Variants in PTPRG observed in about 807,000 individuals in gnomAD.
The protein encoded by PTPRG is protein tyrosine phosphatase receptor type G, also known as receptor-type tyrosine-protein phosphatase gamma.
PTPRG carries 102 observed loss-of-function variants against 165.3 expected under a neutral mutation model. The ratio of observed to expected loss-of-function variants is 0.62; its 90% CI spans 0.53 to 0.73. The LOEUF (loss-of-function observed/expected upper bound fraction) is 0.73, where lower values mean the gene tolerates loss of function less well. Ranked by LOEUF, PTPRG falls within the 30% of genes least tolerant of loss-of-function variation. The probability of loss-of-function intolerance (pLI) is 0.00; values close to 1 mark genes in which losing one functional copy is unlikely to be tolerated. For synonymous variants in PTPRG, 675 were observed against 669.5 expected (o/e 1.01, Z -0.13); for missense variants, 1,866 against 1,861.4 (o/e 1.00, Z -0.05).
chr3:62,006,625 T>C (rs943968961), intron 4 of PTPRG, among the ~76,000 whole-genome samples: 1 of 152,158 alleles, frequency 6.6e-6, no homozygotes, highest in Non-Finnish European at 1.5e-5. Flanking sequence ...AGAAGAATCA[T>C]TGTTGAAGAT....
chr3:61,945,297 C>T (rs183201202), intron 2 of PTPRG, among the ~76,000 whole-genome samples: 56 of 152,170 alleles, frequency 3.7e-4, no homozygotes, highest in East Asian at 7.7e-4. Context: ...CTATGGCTCA[C>T]GCCTGTAATC....
rs146882017 is a variant in PTPRG at position 61,787,852 on chromosome 3, C to CGGTA, written c.190+38870_190+38871insGGTA. Among the ~76,000 whole-genome samples the CGGTA allele has an allele frequency of 0.012, 1,777 of 152,162 alleles. 109 individuals carry two copies. In the East Asian group the frequency reaches 0.16, roughly 14 times the overall value. ...GTGAACATGACGGCTTTAGTGATACCCCTCGTTACCCAGTGGAGTCCTGTT... is the reference window on the plus strand; with the variant it reads ...GTGAACATGACGGCTTTAGTGATACCGGTACCTCGTTACCCAGTGGAGTCCTGTT... On this transcript the variant is annotated intron_variant, in intron 2 of 29. Transcript: ENST00000474889.
chr3:62,250,067 A>G (rs544880010), intron 15 of PTPRG, among the ~76,000 whole-genome samples: 2 of 152,354 alleles, frequency 1.3e-5, no homozygotes, highest in South Asian at 4.1e-4. Flanking sequence ...ACTAAATGCC[A>G]GGCACTCTTA....
chr3:62,066,998 A>G (rs1452434826), intron 4 of PTPRG, among the ~76,000 whole-genome samples: 1 of 145,984 alleles, frequency 6.9e-6, no homozygotes, highest in African/African-American at 2.5e-5. Context: ...AGATCACGCC[A>G]CTGCACTCCA....
intron 3 of PTPRG, among the ~76,000 whole-genome samples, chr3:61,994,450 T>C (rs1229938958): frequency 6.6e-6 from 1 of 152,260 alleles, no homozygotes; most frequent in Non-Finnish European, 1.5e-5. Context: ...TTGCCTACAT[T>C]CTTCCCTATT....
intron 1 of PTPRG, among the ~76,000 whole-genome samples, chr3:61,619,026 G>A (rs61686677): frequency 0.03 from 4,512 of 150,746 alleles, 235 homozygotes; most frequent in African/African-American, 0.11. Context: ...GTGTGTTGGT[G>A]CGCATCTGTG....
intron 8 of PTPRG, among the ~76,000 whole-genome samples, chr3:62,182,764 A>G (rs867221672): frequency 2.0e-5 from 3 of 152,134 alleles, no homozygotes; most frequent in African/African-American, 7.2e-5. Context: ...GGTTCAAGCA[A>G]TTCTGCCTCA....
At chr3:61,836,062 C>CCAAAA (rs2036450402) in intron 2 of PTPRG, among the ~76,000 whole-genome samples, 29 of 103,630 alleles carry the variant, frequency 2.8e-4, no homozygotes, top group Admixed American at 5.5e-4. Flanking sequence ...CCCCCCCCAC[C>CCAAAA]AAAAAAAAAA....
At chr3:61,733,237 C>T (rs2032585149) in intron 1 of PTPRG, among the ~76,000 whole-genome samples, 2 of 152,150 alleles carry the variant, frequency 1.3e-5, no homozygotes, top group South Asian at 2.1e-4. Flanking sequence ...GGTCTTTATA[C>T]TCTGTATATT....
rs530235134 is a variant in PTPRG, at chr3:61,897,980, C to A, written c.191-91645C>A. 2.0e-5 allele frequency among the ~76,000 whole-genome samples: 3 copies of A among 152,040 alleles called. No homozygotes were observed. The East Asian group carries it at 5.8e-4, about 29-fold the overall frequency. ...CCTTGGAATTTTCCATATAGACAAG[C>A]CTGTCATCTGCAAACAGAGATAGTT... On this transcript the variant is annotated intron_variant, in intron 2 of 29. Transcript: ENST00000474889.
At chr3:62,276,524 A>G (rs1702237160) in intron 24 of PTPRG, 1 of 169,958 alleles carries the variant, frequency 5.9e-6, no homozygotes, top group Non-Finnish European at 1.3e-5. Flanking sequence ...AGGCATAGAC[A>G]TGGGTGATCA....
At chr3:62,226,925 G>A (rs1446736507) in intron 13 of PTPRG, among the ~76,000 whole-genome samples, 1 of 152,174 alleles carries the variant, frequency 6.6e-6, no homozygotes, top group Non-Finnish European at 1.5e-5. Flanking sequence ...CATTAAGAAT[G>A]CTGTTCATGA....
rs1332235709 is a variant in PTPRG at position 62,219,921 on chromosome 3, A to C, written c.2288+938A>C. ...ACATGTAATTTCTAAGATGGTGGTA[A>C]CTGGATAATGGAGAAAGCTTAAATC... On this transcript the variant is annotated intron_variant, in intron 13 of 29. Transcript: ENST00000474889. The surrounding 1 kb of genome is among the most constrained non-coding windows in gnomAD (Gnocchi z 4.5). Among the ~76,000 whole-genome samples the C allele has an allele frequency of 2.0e-5, 3 of 152,278 alleles. No individual in the cohort carries two copies. Among genetic ancestry groups the C allele is most frequent in the Non-Finnish European group, 4.4e-5 (3 of 68,042 alleles).
At chr3:62,248,350 G>C (rs762226617) in intron 15 of PTPRG, among the ~76,000 whole-genome samples, 24 of 152,158 alleles carry the variant, frequency 1.6e-4, no homozygotes, top group Admixed American at 9.2e-4. Context: ...TTTCACTAAG[G>C]GTTTTTCAAA....
At chr3:62,118,975 T>A (rs1702962696) in intron 5 of PTPRG, among the ~76,000 whole-genome samples, 1 of 152,230 alleles carries the variant, frequency 6.6e-6, no homozygotes, top group South Asian at 2.1e-4. Flanking sequence ...AGCTATCTGC[T>A]TTTCTTCTAG....
chr3:62,251,538 G>C (rs1298297616), intron 15 of PTPRG, among the ~76,000 whole-genome samples: 1 of 152,044 alleles, frequency 6.6e-6, no homozygotes, highest in African/African-American at 2.4e-5. Context: ...TAGGAGACTG[G>C]GGTGGGAGGA....
intron 2 of PTPRG, among the ~76,000 whole-genome samples, chr3:61,772,726 C>T (rs1308755387): frequency 6.6e-6 from 1 of 151,972 alleles, no homozygotes. Flanking sequence ...TCAAACATTT[C>T]CTTCATGATG....
At chr3:62,117,291 C>T (rs1702901688) in intron 5 of PTPRG, among the ~76,000 whole-genome samples, 1 of 152,222 alleles carries the variant, frequency 6.6e-6, no homozygotes. Flanking sequence ...AGCTCACAAA[C>T]TGCTTGAATT....
intron 1 of PTPRG, among the ~76,000 whole-genome samples, chr3:61,612,102 C>G (rs895242671): frequency 2.6e-5 from 4 of 152,126 alleles, no homozygotes; most frequent in Admixed American, 2.6e-4. Context: ...GCCACCATGA[C>G]TGGGTAATTT....
Sources: gnomAD v4.1 joint callset for allele counts (sites outside exome capture counted in the v4.1 genomes callset) on GRCh38, gnomAD v4.1.1 for gene constraint, Gnocchi (gnomAD v3.1) non-coding constraint, MANE v1.5 for transcripts, NCBI Gene and HGNC (gene_info 2026-07-23, HGNC 2026-07-21) for gene names.